The following TRRAP variants were observed in gnomAD, a reference collection of about 807,000 sequenced individuals.
TRRAP encodes the protein transformation/transcription domain associated protein.
Under a neutral mutation model 438.8 loss-of-function variants are expected in TRRAP, and 41 were observed. The ratio of observed to expected loss-of-function variants is 0.09; its 90% confidence interval spans 0.07 to 0.12. The LOEUF (loss-of-function observed/expected upper bound fraction) is 0.12, where lower values mean the gene tolerates loss of function less well. TRRAP is among the 10% of genes least tolerant of loss of function. The probability of loss-of-function intolerance (pLI) is 1.00; values close to 1 mark genes in which losing one functional copy is unlikely to be tolerated. For missense variants in TRRAP, 3,122 were observed against 5,055.1 expected (o/e 0.62, Z 11.60); for synonymous variants, 1,994 against 1,962.9 (o/e 1.02, Z -0.42).
chr7:99,008,025 C>CA, intron 69 of TRRAP, among the ~76,000 whole-genome samples: 1 of 151,782 alleles, frequency 6.6e-6, no homozygotes, highest in Admixed American at 6.6e-5. Flanking sequence ...GAGGTTTCAC[C>CA]ATGTTGACCA....
intron 6 of TRRAP, among the ~76,000 whole-genome samples, chr7:98,894,696 T>C (rs1266917338): frequency 6.6e-6 from 1 of 150,616 alleles, no homozygotes; most frequent in Non-Finnish European, 1.5e-5. Flanking sequence ...CACTGCAACC[T>C]CTGCCTCCCG....
chr7:98,954,000 ACT>A (rs1791470909), intron 40 of TRRAP, among the ~76,000 whole-genome samples: 1 of 152,084 alleles, frequency 6.6e-6, no homozygotes, highest in Non-Finnish European at 1.5e-5. Flanking sequence ...CTGGCTTCTG[ACT>A]CTGACATTCC....
intron 59 of TRRAP, among the ~76,000 whole-genome samples, chr7:98,982,753 G>T (rs1273361096): frequency 7.7e-3 from 1 of 130 alleles, no homozygotes; most frequent in African/African-American, 0.038. Flanking sequence ...TCATAGGACG[G>T]TGACTCAAAA....
At chr7:98,967,988 G>GA (rs1792232236) in intron 51 of TRRAP, among the ~76,000 whole-genome samples, 1 of 151,420 alleles carries the variant, frequency 6.6e-6, no homozygotes, top group African/African-American at 2.4e-5. Context: ...GCGTGCCCTA[G>GA]AAAATAAAAC....
rs554021951 is a variant in TRRAP at position 98,954,429 on chromosome 7, G to A, written c.5731-669G>A. 3.0e-4 allele frequency among the ~76,000 whole-genome samples: 46 copies of A among 152,326 alleles called. No homozygotes were observed. In the South Asian group the frequency reaches 8.9e-3, roughly 29 times the overall value. The stretch of plus-strand genomic sequence containing the variant: ...CATCTTTCTCTTGTGAACCTCTGTG[G>A]TGTTGAACTCTGCACCCCAATCAAG... On this transcript the variant is annotated intron_variant, in intron 40 of 72. Transcript: ENST00000456197.
In TRRAP at chr7:98,958,000, C is replaced by T. The variant is rs781960380; in HGVS notation, c.6251C>T (p.Ser2084Leu). 1.8e-5 allele frequency: 29 copies of T among 1,614,110 alleles called. No homozygotes were observed. The highest frequency in any genetic ancestry group is 1.6e-4 in the Middle Eastern group (1 of 6,062). ...TTCCAGGTCTTTGGGAGGAGCCAGTCGCTACCTGGAGCAGACTCTCTCCTC... is the reference window on the plus strand; with the variant it reads ...TTCCAGGTCTTTGGGAGGAGCCAGTTGCTACCTGGAGCAGACTCTCTCCTC... ...AISAVFGRSQSLPGADSLLAK... is the reference protein window; with the variant it reads ...AISAVFGRSQLLPGADSLLAK... The change falls in exon 44 of 73, where the codon TCG (serine) becomes TTG (leucine). Residue 2084 changes from serine (S) to leucine (L), a missense_variant. Coordinates refer to ENST00000456197, the MANE Select transcript of TRRAP (RefSeq NM_001375524.1).
At chr7:98,912,306 G>C (rs1417373359) in intron 18 of TRRAP, 93 bp downstream of exon 18, 5 of 1,366,322 alleles carry the variant, frequency 3.7e-6, no homozygotes, top group Non-Finnish European at 2.0e-6. Flanking sequence ...GCTGGTCAGC[G>C]TTCTGGACTC....
intron 7 of TRRAP, among the ~76,000 whole-genome samples, chr7:98,896,444 T>C (rs970331492): frequency 5.3e-5 from 8 of 152,110 alleles, no homozygotes; most frequent in Non-Finnish European, 1.0e-4. Flanking sequence ...ACGGGGTCTC[T>C]GTCTGCCCAG....
rs763842280 is a variant in TRRAP, at chr7:98,988,936, C to T, written c.9561C>T (p.Asn3187=). 10 of 1,613,868 alleles carry T rather than the reference C, an allele frequency of 6.2e-6. No homozygotes were observed. The highest frequency in any genetic ancestry group is 1.3e-5 in the African/African-American group (1 of 74,918). ...TCYLHACRHQ[N]ESKSRKYLAK... ...ACCTGCACGCCTGCCGGCATCAGAA[C>T]GAGAGCAAATCGAGGAAATACTTAG... The change falls in exon 63 of 73, where the codon AAC becomes AAT. Residue 3187 remains asparagine (N), a synonymous_variant. Coordinates refer to ENST00000456197, the MANE Select transcript of TRRAP (RefSeq NM_001375524.1).
intron 22 of TRRAP, among the ~76,000 whole-genome samples, chr7:98,925,928 G>A (rs566548054): frequency 1.2e-4 from 19 of 152,296 alleles, no homozygotes; most frequent in Non-Finnish European, 2.6e-4. Context: ...AGAATCAATG[G>A]AAGGCAGAAA....
intron 30 of TRRAP, among the ~76,000 whole-genome samples, chr7:98,939,609 C>T (rs73155637): frequency 6.6e-6 from 1 of 152,174 alleles, no homozygotes; most frequent in Non-Finnish European, 1.5e-5. Flanking sequence ...AATACACATA[C>T]ACACCTATCA....
At chr7:98,897,715 A>G (rs1554405990) in intron 7 of TRRAP, 26 bp from the exon 8 acceptor site, 1 of 1,598,338 alleles carries the variant, frequency 6.3e-7, no homozygotes, top group Non-Finnish European at 8.5e-7. Context: ...ACTTTAGGAA[A>G]AAATATTTTT....
chr7:98,888,009 T>C (rs1554404221), intron 3 of TRRAP, among the ~76,000 whole-genome samples: 1 of 151,602 alleles, frequency 6.6e-6, no homozygotes, highest in Non-Finnish European at 1.5e-5. Flanking sequence ...AGGCAGCAGA[T>C]CACGAGGTCA....
Position 98,881,967 on chromosome 7 carries a change from G to T in TRRAP, c.101-8G>T. 1.2e-6 allele frequency: 2 copies of T among 1,609,930 alleles called. No individual in the cohort carries two copies. The highest frequency in any genetic ancestry group is 8.5e-7 in the Non-Finnish European group (1 of 1,178,826). On this transcript the variant is annotated splice_region_variant and splice_polypyrimidine_tract_variant and intron_variant, in intron 2 of 72. Transcript: ENST00000456197. Reference sequence around the variant, plus strand: ...TCAATTACCTGATGCTTGTTTTGCCGTTCACAGCTGATGAAACAAAGTTGA... The same window carrying T: ...TCAATTACCTGATGCTTGTTTTGCCTTTCACAGCTGATGAAACAAAGTTGA...
intron 47 of TRRAP, 52 bp downstream of exon 47, chr7:98,962,479 C>T (rs747416791): frequency 6.2e-7 from 1 of 1,611,630 alleles, no homozygotes; most frequent in South Asian, 1.1e-5. Context: ...GGCCTCTTTC[C>T]CCGCTCACTG....
Position 98,994,659 on chromosome 7 carries a change from G to A in TRRAP, c.10120G>A (p.Asp3374Asn), listed in dbSNP as rs201530293. 19 of 1,614,078 alleles carry A rather than the reference G, an allele frequency of 1.2e-5. No individual in the cohort carries two copies. Among genetic ancestry groups the A allele is most frequent in the Non-Finnish European group, 1.4e-5 (17 of 1,180,050 alleles). Residue 3374 changes from aspartate to asparagine, a missense_variant, in exon 67 of 73, where the codon GAT becomes AAT. Asp to Asn is a conservative substitution (Grantham distance 23). Coordinates refer to ENST00000456197, the MANE Select transcript of TRRAP (RefSeq NM_001375524.1). The surrounding 1 kb of genome is among the most constrained non-coding windows in gnomAD (Gnocchi z 4.8). Reference protein sequence around the residue: ...VAFEKSGAVSDAKITPHTLNF... With the variant: ...VAFEKSGAVSNAKITPHTLNF... ...GTTTGAGAAAAGTGGAGCGGTGTCCGATGCTAAAATCACCCCCCACACTCT... is the reference window on the plus strand; with the variant it reads ...GTTTGAGAAAAGTGGAGCGGTGTCCAATGCTAAAATCACCCCCCACACTCT...
At chr7:99,003,424 A>C (rs1046941421) in intron 67 of TRRAP, among the ~76,000 whole-genome samples, 33 of 152,038 alleles carry the variant, frequency 2.2e-4, no homozygotes, top group African/African-American at 7.7e-4. Context: ...ATCAGCTTTG[A>C]CACGAGACCT....
Position 98,977,015 on chromosome 7 carries a change from G to A in TRRAP, c.8324G>A (p.Arg2775Gln), listed in dbSNP as rs1243324220. The change falls in exon 56 of 73, where the codon CGG (arginine) becomes CAG (glutamine). Residue 2775 changes from arginine to glutamine, a missense_variant. Arg to Gln is a conservative substitution (Grantham distance 43). This residue lies in a region of TRRAP where 992 missense variants were observed against 1,281.2 expected (regional missense o/e 0.77). Transcript: ENST00000456197. ...ATGTGGGCTGGTCTGTGGCAGAAGC[G>A]GTGCAAGTACTCGGAGACAGCGACT... Reference protein sequence around the residue: ...EDMWAGLWQKRCKYSETATAI... With the variant: ...EDMWAGLWQKQCKYSETATAI... The A allele has an allele frequency of 7.4e-6, 12 of 1,614,064 alleles. No homozygotes were observed. Among genetic ancestry groups the A allele is most frequent in the African/African-American group, 2.7e-5 (2 of 74,924 alleles).
At chr7:98,963,039 A>C (rs1416583002) in intron 47 of TRRAP, among the ~76,000 whole-genome samples, 2 of 152,232 alleles carry the variant, frequency 1.3e-5, no homozygotes, top group African/African-American at 4.8e-5. Context: ...TTGAAAATAC[A>C]AATGAAGGAA....
Sources: gnomAD v4.1 joint callset for allele counts (sites outside exome capture counted in the v4.1 genomes callset) on GRCh38, gnomAD v4.1.1 for gene constraint, gnomAD v4.1.1 regional missense constraint, Gnocchi (gnomAD v3.1) non-coding constraint, MANE v1.5 for transcripts, NCBI Gene and HGNC (gene_info 2026-07-23, HGNC 2026-07-21) for gene names.